Variants in SPAG17 observed in about 807,000 individuals in gnomAD.
SPAG17 encodes sperm associated antigen 17.
A neutral mutation model predicts 273.6 loss-of-function variants in SPAG17; 169 were observed. The observed-to-expected ratio is 0.62, with a 90% CI of 0.55 to 0.70. The LOEUF (loss-of-function observed/expected upper bound fraction) is 0.70, where lower values mean the gene tolerates loss of function less well. Among genes scored for constraint, SPAG17 ranks in the 30% least tolerant of loss-of-function variants. SPAG17 has a pLI of 0.00. For synonymous variants in SPAG17, 825 were observed against 873.2 expected (o/e 0.94, Z 0.97); for missense variants, 2,557 against 2,627.8 (o/e 0.97, Z 0.59).
At chr1:118,179,027 A>C (rs897034986) in intron 1 of SPAG17, among the ~76,000 whole-genome samples, 10 of 152,000 alleles carry the variant, frequency 6.6e-5, no homozygotes, top group African/African-American at 2.4e-5. Context: ...TATCCATACT[A>C]TCCAAAATAA....
Position 117,990,863 on chromosome 1 carries a change from T to G in SPAG17, c.5519A>C (p.Glu1840Ala), listed in dbSNP as rs1656994853. The change falls in exon 38 of 49, where the codon GAA becomes GCA. Residue 1840 changes from glutamate to alanine, a missense_variant and splice_region_variant. Physicochemically the swap from Glu to Ala is moderately radical, Grantham distance 107. Coordinates refer to ENST00000336338, the MANE Select transcript of SPAG17 (RefSeq NM_206996.4). Reference sequence around the variant, plus strand: ...GAAGAATATTAAATGCAACTTACCTTCAGTAACATGACTTTTTGTAGTTTC... The same window carrying G: ...GAAGAATATTAAATGCAACTTACCTGCAGTAACATGACTTTTTGTAGTTTC... Reference protein sequence around the residue: ...MEETTKSHVTEVAAHLTDLFK... With the variant: ...MEETTKSHVTAVAAHLTDLFK... 1 of 1,569,694 alleles carries G rather than the reference T, an allele frequency of 6.4e-7. No homozygotes were observed. The highest frequency in any genetic ancestry group is 8.7e-7 in the Non-Finnish European group (1 of 1,150,990).
chr1:117,960,109 C>CT (rs1553208050), intron 48 of SPAG17: 1 of 144,406 alleles, frequency 6.9e-6, no homozygotes, highest in Admixed American at 6.9e-5. Flanking sequence ...TTAATACACT[C>CT]GTGTGTGTGT....
chr1:118,045,202 TC>T (rs1244758266), intron 20 of SPAG17, among the ~76,000 whole-genome samples: 3 of 152,314 alleles, frequency 2.0e-5, no homozygotes, highest in East Asian at 3.9e-4. Context: ...GATAGGAGCA[TC>T]TTTTGCTCTA....
rs181748960 is a variant in SPAG17 at position 118,054,038 on chromosome 1, C to T, written c.2778G>A (p.Lys926=). 2.2e-5 allele frequency: 35 copies of T among 1,608,516 alleles called. No homozygotes were observed. The Admixed American group carries it at 5.9e-4, about 27-fold the overall frequency. ...CTTCTAAAATGAAAGGAATCTTTTC[C>T]TTCTCTTTTTCTTTTTCTTGATCTG... ...EISDQEKEKE[K]EKIPFILEGS... is the part of the protein sequence containing the mutation. The change falls in exon 20 of 49, where the codon AAG becomes AAA. Residue 926 remains lysine, a synonymous_variant. Coordinates refer to ENST00000336338, the MANE Select transcript of SPAG17 (RefSeq NM_206996.4).
In SPAG17 at chr1:117,983,863, T is replaced by C; in HGVS notation, c.5820A>G (p.Lys1940=). Residue 1940 remains lysine, a synonymous_variant, in exon 42 of 49, where the codon AAA becomes AAG. Coordinates refer to ENST00000336338, the MANE Select transcript of SPAG17 (RefSeq NM_206996.4). Reference sequence around the variant, plus strand: ...CAGCTGTTTCGTTTGCATCTTCATTTTTCTTTGTAAAAGAAGGCAGTTTTT... The same window carrying C: ...CAGCTGTTTCGTTTGCATCTTCATTCTTCTTTGTAAAAGAAGGCAGTTTTT... ...LSKKLPSFTK[K]NEDANETAVQ... 6.2e-7 allele frequency: 1 copy of C among 1,613,152 alleles called. No individual in the cohort carries two copies. The highest frequency in any genetic ancestry group is 1.1e-5 in the South Asian group (1 of 91,002).
At chr1:118,080,525 G>A (rs765965118) in intron 15 of SPAG17, among the ~76,000 whole-genome samples, 4 of 152,180 alleles carry the variant, frequency 2.6e-5, no homozygotes, top group Admixed American at 6.6e-5. Flanking sequence ...CAGATAGTAG[G>A]AAGCCTTTGA....
intron 39 of SPAG17, 98 bp from the exon 40 acceptor site, chr1:117,987,979 A>T (rs1354505893): frequency 1.4e-5 from 20 of 1,471,182 alleles, no homozygotes; most frequent in Non-Finnish European, 1.8e-5. Flanking sequence ...AATTATTAAT[A>T]GTATGGGAGA....
intron 13 of SPAG17, among the ~76,000 whole-genome samples, chr1:118,083,872 G>T (rs1315612604): frequency 1.3e-5 from 2 of 152,086 alleles, no homozygotes; most frequent in Non-Finnish European, 2.9e-5. Context: ...TAAGGGAGAT[G>T]GTGAAGGGAC....
At chr1:117,963,240 A>G (rs1236749719) in intron 48 of SPAG17, 4 of 152,268 alleles carry the variant, frequency 2.6e-5, no homozygotes, top group Non-Finnish European at 5.9e-5. Flanking sequence ...AACAGAATAC[A>G]GTAAATATAA....
intron 15 of SPAG17, among the ~76,000 whole-genome samples, chr1:118,080,845 A>T (rs1340388711): frequency 6.6e-6 from 1 of 152,142 alleles, no homozygotes; most frequent in East Asian, 1.9e-4. Context: ...GTGTAACACT[A>T]ATGATGAAAG....
At chr1:117,985,682 C>T (rs374645529) in intron 40 of SPAG17, among the ~76,000 whole-genome samples, 13 of 152,080 alleles carry the variant, frequency 8.5e-5, no homozygotes, top group East Asian at 7.7e-4. Context: ...GAACTCAATC[C>T]TCCCTGAAAT....
intron 23 of SPAG17, among the ~76,000 whole-genome samples, chr1:118,037,476 T>C (rs1021328271): frequency 6.6e-6 from 1 of 152,116 alleles, no homozygotes; most frequent in African/African-American, 2.4e-5. Context: ...ACCTGATAGG[T>C]AGTTTTTTGA....
intron 15 of SPAG17, among the ~76,000 whole-genome samples, chr1:118,077,690 T>A (rs1490325630): frequency 6.6e-6 from 1 of 152,168 alleles, no homozygotes; most frequent in Non-Finnish European, 1.5e-5. Context: ...GTTAATTTAT[T>A]GGCTTAAATT....
chr1:118,083,785 A>AAAAAAC (rs1297896397), intron 13 of SPAG17, among the ~76,000 whole-genome samples: 1 of 152,100 alleles, frequency 6.6e-6, no homozygotes, highest in Non-Finnish European at 1.5e-5. Flanking sequence ...CTCTGTCTCA[A>AAAAAAC]AAAAACAAAA....
chr1:117,998,085 T>C (rs1657859067), intron 32 of SPAG17, among the ~76,000 whole-genome samples: 1 of 152,178 alleles, frequency 6.6e-6, no homozygotes, highest in Non-Finnish European at 1.5e-5. Context: ...CAGTTTTTGC[T>C]TTTGTTGCAA....
chr1:118,097,850 A>C lies in SPAG17; in HGVS notation c.831T>G (p.Asp277Glu), dbSNP rs746542432. 8.3e-6 allele frequency: 13 copies of C among 1,570,462 alleles called. No homozygotes were observed. Among genetic ancestry groups the C allele is most frequent in the African/African-American group, 4.1e-5 (3 of 72,750 alleles). The part of the protein sequence containing the change: ...QQQEVLLQSE[D>E]LEAEKLKKEN... Reference sequence around the variant, plus strand: ...CTTTCTTCAATTTTTCTGCTTCTAGATCTAATAATAGCAACATGTTTATAT... The same window carrying C: ...CTTTCTTCAATTTTTCTGCTTCTAGCTCTAATAATAGCAACATGTTTATAT... The change falls in exon 7 of 49, where the codon GAT becomes GAG. Residue 277 changes from aspartate to glutamate, a missense_variant and splice_region_variant. Transcript: ENST00000336338.
intron 48 of SPAG17, chr1:117,954,588 TC>T (rs769661088): frequency 2.3e-5 from 37 of 1,612,668 alleles, no homozygotes; most frequent in Non-Finnish European, 3.0e-5. Context: ...AGGTTCCACT[TC>T]CCAGCAACCC....
chr1:118,136,534 C>T lies in SPAG17; in HGVS notation c.315+14009G>A, dbSNP rs533553728. 3.3e-4 allele frequency among the ~76,000 whole-genome samples: 50 copies of T among 152,202 alleles called. 1 individual carries two copies. Among genetic ancestry groups the T allele is most frequent in the Admixed American group, 9.8e-4 (15 of 15,282 alleles). ...GGACACTGTGCCTGAATTCAACAGG[C>T]GGGTGTGGGGGCTATTTTTGGACAG... On this transcript the variant is annotated intron_variant, in intron 3 of 48. Coordinates refer to ENST00000336338, the MANE Select transcript of SPAG17 (RefSeq NM_206996.4).
At chr1:118,116,033 T>C (rs565119912) in intron 3 of SPAG17, among the ~76,000 whole-genome samples, 5 of 152,284 alleles carry the variant, frequency 3.3e-5, no homozygotes, top group South Asian at 2.1e-4. Context: ...AATAAGGTTA[T>C]TGAGTTTTCT....
Sources: allele counts gnomAD v4.1 joint callset (sites outside exome capture counted in the v4.1 genomes callset), GRCh38; gene constraint gnomAD v4.1.1; transcripts MANE v1.5; gene names NCBI Gene and HGNC (gene_info 2026-07-23, HGNC 2026-07-21).